AGAP1: variants seen among roughly 807,000 people sequenced by gnomAD.
The protein encoded by AGAP1 is arf-GAP with GTPase, ANK repeat and PH domain-containing protein 1.
Under a neutral mutation model 105.3 loss-of-function variants are expected in AGAP1, and 29 were observed. That is an observed-to-expected ratio of 0.28 (90% CI 0.21 to 0.38). The LOEUF is 0.38. Ranked by LOEUF, AGAP1 falls within the 10% of genes least tolerant of loss-of-function variation. The probability of loss-of-function intolerance (pLI) is 1.00; values close to 1 mark genes in which losing one functional copy is unlikely to be tolerated. For missense variants in AGAP1, 998 were observed against 1,165.1 expected, an observed-to-expected ratio of 0.86 and a Z score of 2.09; for synonymous variants, 509 against 485.9, an observed-to-expected ratio of 1.05 and a Z score of -0.63.
rs949923739 is a variant in AGAP1 at position 235,965,027 on chromosome 2, T to C, written c.1484-3435T>C. ...CAGTTCCACCACAACCAAACTGTCA[T>C]AGTGCAGGCTCAGGGGGTCTCAGGA... On this transcript the variant is annotated intron_variant, in intron 12 of 17. Coordinates refer to ENST00000304032, the MANE Select transcript of AGAP1 (RefSeq NM_001037131.3). The surrounding 1 kb of genome is among the most constrained non-coding windows in gnomAD (Gnocchi z 5.8). Among the ~76,000 whole-genome samples, 10 of 152,202 alleles carry C rather than the reference T, an allele frequency of 6.6e-5. No homozygotes were observed. Among genetic ancestry groups the C allele is most frequent in the African/African-American group, 2.4e-4 (10 of 41,452 alleles).
intron 16 of AGAP1, among the ~76,000 whole-genome samples, chr2:236,084,301 A>G (rs1162495016): frequency 6.6e-6 from 1 of 152,170 alleles, no homozygotes; most frequent in African/African-American, 2.4e-5. Context: ...ACCTGCCAGC[A>G]TATTAACATT....
In AGAP1 at chr2:235,955,145, G is replaced by A. The variant is rs201537736; in HGVS notation, c.1484-13317G>A. Among the ~76,000 whole-genome samples, 18 of 152,296 alleles carry A rather than the reference G, an allele frequency of 1.2e-4. No individual in the cohort carries two copies. The East Asian group carries it at 3.5e-3, about 29-fold the overall frequency. Reference sequence around the variant, plus strand: ...GAGGCTAAAAGAAATGACATGCCCAGGGTCACGTGGCCAGGTGGCTAGGCT... The same window carrying A: ...GAGGCTAAAAGAAATGACATGCCCAAGGTCACGTGGCCAGGTGGCTAGGCT... On this transcript the variant is annotated intron_variant, in intron 12 of 17. Coordinates refer to ENST00000304032, the MANE Select transcript of AGAP1 (RefSeq NM_001037131.3).
intron 9 of AGAP1, among the ~76,000 whole-genome samples, chr2:235,880,595 C>T (rs1194382525): frequency 6.6e-6 from 1 of 150,420 alleles, no homozygotes; most frequent in Non-Finnish European, 1.5e-5. Flanking sequence ...AAAAAATTAG[C>T]CAGGCATGGT....
chr2:235,651,176 C>T (rs1947573561), intron 1 of AGAP1, among the ~76,000 whole-genome samples: 1 of 88,298 alleles, frequency 1.1e-5, no homozygotes, highest in African/African-American at 4.1e-5. Flanking sequence ...CAGAGTGAAA[C>T]TCCATCTCAA....
intron 6 of AGAP1, among the ~76,000 whole-genome samples, chr2:235,772,550 C>G (rs1245106948): frequency 2.0e-5 from 3 of 152,218 alleles, no homozygotes; most frequent in Non-Finnish European, 4.4e-5. Flanking sequence ...CCACAGAGTC[C>G]TCCCATTCAT....
At chr2:235,512,535 A>G (rs1305112581) in intron 1 of AGAP1, among the ~76,000 whole-genome samples, 1 of 152,208 alleles carries the variant, frequency 6.6e-6, no homozygotes, top group African/African-American at 2.4e-5. Flanking sequence ...TTGAGGCTGC[A>G]GTGAGCCATG....
rs116131324 is a variant in AGAP1 at position 235,520,369 on chromosome 2, G to A, written c.163+25520G>A. Among the ~76,000 whole-genome samples the A allele has an allele frequency of 8.1e-3, 1,226 of 152,280 alleles. 9 individuals are homozygous for A. The highest frequency in any genetic ancestry group is 0.013 in the Non-Finnish European group (859 of 68,028). On this transcript the variant is annotated intron_variant, in intron 1 of 17. Coordinates refer to ENST00000304032, the MANE Select transcript of AGAP1 (RefSeq NM_001037131.3). ...CTTCTGAAACTCCTCCAATGAGTAG[G>A]TTCCATGACCGTCTTTCTCTCCTTC... is the stretch of plus-strand genomic sequence containing the variant.
rs74648228 is a variant in AGAP1 at position 235,838,194 on chromosome 2, C to A, written c.1050+30863C>A. On this transcript the variant is annotated intron_variant, in intron 9 of 17. Transcript: ENST00000304032. ...GAGTGAGACTGTGTCCCCCCACCCC[C>A]CCAAAAAAAGAAAAGAGGGAATGCC... 5.8e-3 allele frequency among the ~76,000 whole-genome samples: 884 copies of A among 152,008 alleles called. 10 individuals carry two copies. Among genetic ancestry groups the A allele is most frequent in the African/African-American group, 0.02 (832 of 41,450 alleles).
rs1175029409 is a variant in AGAP1 at position 236,113,080 on chromosome 2, C to T, written c.2115-7112C>T. Among the ~76,000 whole-genome samples, 1 of 152,220 alleles carries T rather than the reference C, an allele frequency of 6.6e-6. No homozygotes were observed. The highest frequency in any genetic ancestry group is 1.5e-5 in the Non-Finnish European group (1 of 68,044). ...CAGCCTTTCTTTTTTCCCACGATTTCCCAAAATACGGCCACCACTCTGCCG... is the reference window on the plus strand; with the variant it reads ...CAGCCTTTCTTTTTTCCCACGATTTTCCAAAATACGGCCACCACTCTGCCG... On this transcript the variant is annotated intron_variant, in intron 16 of 17. Coordinates refer to ENST00000304032, the MANE Select transcript of AGAP1 (RefSeq NM_001037131.3). This position sits in a 1 kb window ranked among gnomAD's most constrained non-coding sequence, Gnocchi z 4.3.
chr2:236,049,348 A>G, intron 16 of AGAP1, 67 bp downstream of exon 16: 2 of 1,452,298 alleles, frequency 1.4e-6, no homozygotes, highest in Non-Finnish European at 1.9e-6. Context: ...GGAAGTGATC[A>G]TAATGACAGC....
chr2:235,573,054 C>CTTTCTTCTTTCTTCTTTCTTCT (rs753415836), intron 1 of AGAP1, among the ~76,000 whole-genome samples: 1 of 22,190 alleles, frequency 4.5e-5, no homozygotes, highest in African/African-American at 2.7e-4. Flanking sequence ...TCTTCTTCTT[C>CTTTCTTCTTTCTTCTTTCTTCT]TTCTTCTTTC....
intron 16 of AGAP1, among the ~76,000 whole-genome samples, chr2:236,070,624 T>TA (rs1258496359): frequency 2.0e-5 from 3 of 152,226 alleles, no homozygotes; most frequent in Admixed American, 2.0e-4. Flanking sequence ...CAGAAAAGAC[T>TA]AAAGCATTGA....
rs1366987128 is a variant in AGAP1, at chr2:235,620,188, T to C, written c.164-88991T>C. Among the ~76,000 whole-genome samples the C allele has an allele frequency of 1.3e-5, 2 of 152,212 alleles. No individual in the cohort carries two copies. Among genetic ancestry groups the C allele is most frequent in the African/African-American group, 4.8e-5 (2 of 41,468 alleles). ...CTACTTTCCAGAAATCAGCAAATGC[T>C]GGGCTGTGCCTTCAAAGTATATCCA... On this transcript the variant is annotated intron_variant, in intron 1 of 17. Transcript: ENST00000304032. This position sits in a 1 kb window ranked among gnomAD's most constrained non-coding sequence, Gnocchi z 4.5.
At chr2:235,528,513 T>C (rs954992470) in intron 1 of AGAP1, among the ~76,000 whole-genome samples, 1 of 152,080 alleles carries the variant, frequency 6.6e-6, no homozygotes, top group African/African-American at 2.4e-5. Flanking sequence ...GCACAGTGTG[T>C]GGGAGTTGCA....
chr2:235,852,565 TCTTAATGAATAGAGACTGCTGA>T (rs2048517796), intron 9 of AGAP1: 3 of 969,100 alleles, frequency 3.1e-6, no homozygotes, highest in Middle Eastern at 2.4e-4. Flanking sequence ...AAGTTTTATC[TCTTAATGAATAGAGACTGCTGA>T]AGTAAGGGTT....
intron 9 of AGAP1, among the ~76,000 whole-genome samples, chr2:235,856,889 G>A (rs567444510): frequency 8.5e-5 from 13 of 152,382 alleles, no homozygotes; most frequent in Non-Finnish European, 2.9e-5. Flanking sequence ...CTGAGAGCAC[G>A]CTTGGTTCCC....
In AGAP1 at chr2:235,716,834, G is replaced by A. The variant is rs1951131180; in HGVS notation, c.223-723G>A. On this transcript the variant is annotated intron_variant, in intron 2 of 17. Transcript: ENST00000304032. This position sits in a 1 kb window ranked among gnomAD's most constrained non-coding sequence, Gnocchi z 4.0. ...CTGTGAAGAATCCCCTGGAAAGTCA[G>A]CCTTGCCGCCAGGTTACTGCTAGGA... Among the ~76,000 whole-genome samples the A allele has an allele frequency of 6.6e-6, 1 of 152,062 alleles. No homozygotes were observed. Among genetic ancestry groups the A allele is most frequent in the Admixed American group, 6.5e-5 (1 of 15,276 alleles).
In AGAP1 at chr2:235,864,813, T is replaced by TA. The variant is rs1174792521; in HGVS notation, c.1051-18531dup. Among the ~76,000 whole-genome samples the TA allele has an allele frequency of 4.6e-5, 7 of 152,362 alleles. No individual in the cohort carries two copies. In the South Asian group the frequency reaches 1.4e-3, roughly 32 times the overall value. On this transcript the variant is annotated intron_variant, in intron 9 of 17. Coordinates refer to ENST00000304032, the MANE Select transcript of AGAP1 (RefSeq NM_001037131.3). The surrounding 1 kb of genome is among the most constrained non-coding windows in gnomAD (Gnocchi z 5.0). Reference sequence around the variant, plus strand: ...TGGAGGAGGTTTGGTTTGGTCTTAGTACCCCAGCATACAGTAGCTTCATTG... The same window carrying TA: ...TGGAGGAGGTTTGGTTTGGTCTTAGTAACCCCAGCATACAGTAGCTTCATTG...
At chr2:236,084,077 G>A (rs887757479) in intron 16 of AGAP1, among the ~76,000 whole-genome samples, 5 of 152,118 alleles carry the variant, frequency 3.3e-5, no homozygotes, top group Admixed American at 2.6e-4. Context: ...CTGTTCAGCC[G>A]GGCAGGAAGG....
Sources: allele counts gnomAD v4.1 joint callset (sites outside exome capture counted in the v4.1 genomes callset), GRCh38; gene constraint gnomAD v4.1.1; non-coding constraint Gnocchi (gnomAD v3.1); transcripts MANE v1.5; gene names NCBI Gene and HGNC (gene_info 2026-07-23, HGNC 2026-07-21).